The following COL6A5 variants were observed in gnomAD, a reference collection of about 807,000 sequenced individuals.
COL6A5 encodes collagen type VI alpha 5 chain.
In COL6A5, 48 loss-of-function variants were observed where a neutral mutation model predicts 65.6. The observed-to-expected ratio is 0.73, with a 90% CI of 0.58 to 0.93. The LOEUF (loss-of-function observed/expected upper bound fraction) is 0.93, where lower values mean the gene tolerates loss of function less well. COL6A5 is among the 40% of genes least tolerant of loss of function. The pLI is 0.00. For missense variants in COL6A5, 914 were observed against 928.3 expected, an observed-to-expected ratio of 0.98 and a Z score of 0.20; for synonymous variants, 291 against 322.8, an observed-to-expected ratio of 0.90 and a Z score of 1.05.
chr3:130,401,859 C>T lies in COL6A5; in HGVS notation c.4227+5C>T, dbSNP rs1220704360. ...CGAGGACTACAAGCCATGAAGGTGC[C>T]ACTCACCTGTGATACTATTTTATCT... is the stretch of plus-strand genomic sequence containing the variant. On this transcript the variant is annotated splice_donor_5th_base_variant and intron_variant and NMD_transcript_variant, in intron 12 of 41. Coordinates refer to the COL6A5 transcript ENST00000312481. 12 of 1,545,546 alleles carry T rather than the reference C, an allele frequency of 7.8e-6. No homozygotes were observed. Among genetic ancestry groups the T allele is most frequent in the Non-Finnish European group, 9.6e-6 (11 of 1,141,598 alleles).
At chr3:130,403,565 T>TTG (rs1559882618) in intron 12 of COL6A5, 44 bp from the exon 13 acceptor site, 1 of 1,440,306 alleles carries the variant, frequency 6.9e-7, no homozygotes, top group African/African-American at 1.4e-5. Flanking sequence ...TTGACTTTAT[T>TTG]GGGGGGGGGT....
At chr3:130,376,771 A>C (rs1204614111) in exon 3 of COL6A5, 1 of 1,613,662 alleles carries the variant, frequency 6.2e-7, no homozygotes, top group Admixed American at 1.7e-5. Flanking sequence ...TTTTCCCAAA[A>C]CATGACACAG....
At chr3:130,401,966 T>C in intron 12 of COL6A5, 112 bp downstream of exon 12, 1 of 758,528 alleles carries the variant, frequency 1.3e-6, no homozygotes, top group Non-Finnish European at 2.2e-6. Flanking sequence ...TGGAATTGCT[T>C]TGGACATTTC....
At chr3:130,412,608 T>C (rs926851868) in intron 20 of COL6A5, among the ~76,000 whole-genome samples, 1 of 152,262 alleles carries the variant, frequency 6.6e-6, no homozygotes, top group Non-Finnish European at 1.5e-5. Flanking sequence ...CTTTGTTTAC[T>C]GTTTCTTCTC....
At chr3:130,475,187 C>T (rs2107621228) in intron 7 of COL6A5, among the ~76,000 whole-genome samples, 1 of 151,408 alleles carries the variant, frequency 6.6e-6, no homozygotes, top group South Asian at 2.1e-4. Context: ...ACTAGAATTC[C>T]ATAAGGGAAG....
chr3:130,472,068 T>A, intron 7 of COL6A5, 142 bp downstream of exon 40: 1 of 860,616 alleles, frequency 1.2e-6, no homozygotes, highest in East Asian at 2.7e-5. Context: ...CGTCTAAGGA[T>A]CCAAGGGAGA....
intron 7 of COL6A5, among the ~76,000 whole-genome samples, chr3:130,482,787 A>G (rs1193805881): frequency 6.6e-6 from 1 of 152,122 alleles, no homozygotes; most frequent in East Asian, 1.9e-4. Context: ...ATTCTTAGGT[A>G]TCTTTTTCTC....
chr3:130,391,583 C>T (rs1480375284), exon 7 of COL6A5: 1 of 1,551,626 alleles, frequency 6.4e-7, no homozygotes, highest in Non-Finnish European at 8.7e-7. Context: ...AGCATTGGAA[C>T]TGAGAAACAA....
Position 130,385,370 on chromosome 3 carries a change from CA to C in COL6A5, c.1861+8del. On this transcript the variant is annotated splice_region_variant and intron_variant and NMD_transcript_variant, in intron 5 of 41. Coordinates refer to the COL6A5 transcript ENST00000312481. ...TGAAATCTGCGCTGAAAAAGGTAAG[CA>C]ACACAAAAAAGGCTTTATTCTCCAC... The C allele has an allele frequency of 1.3e-6, 2 of 1,541,748 alleles. No individual in the cohort carries two copies. The highest frequency in any genetic ancestry group is 1.7e-6 in the Non-Finnish European group (2 of 1,143,406).
chr3:130,429,157 T>C (rs775213603), upstream of COL6A5, among the ~76,000 whole-genome samples: 3 of 152,180 alleles, frequency 2.0e-5, no homozygotes, highest in Non-Finnish European at 2.9e-5. Context: ...TCCCAAGATA[T>C]TCATCAGGGA....
chr3:130,354,135 G>A (rs1934830974), intron 1 of COL6A5, among the ~76,000 whole-genome samples: 1 of 149,662 alleles, frequency 6.7e-6, no homozygotes, highest in African/African-American at 2.4e-5. Flanking sequence ...AGGAAAGAAG[G>A]AAGGAAGGAA....
chr3:130,453,250 T>C (rs1015093126), intron 4 of COL6A5, among the ~76,000 whole-genome samples: 1 of 151,868 alleles, frequency 6.6e-6, no homozygotes, highest in Non-Finnish European at 1.5e-5. Flanking sequence ...ATCTTCACAA[T>C]TTATGTTTAG....
chr3:130,356,899 G>T (rs980088774), intron 1 of COL6A5, among the ~76,000 whole-genome samples: 6 of 152,060 alleles, frequency 3.9e-5, no homozygotes, highest in Non-Finnish European at 8.8e-5. Context: ...ACATAGGAAA[G>T]AATAGAAATG....
At chr3:130,362,326 ATTTTTT>A (rs374784717) in intron 1 of COL6A5, among the ~76,000 whole-genome samples, 101 of 4,622 alleles carry the variant, frequency 0.022, no homozygotes, top group East Asian at 0.053. Flanking sequence ...ATATATATAT[ATTTTTT>A]TTTTTTTTTT....
chr3:130,414,106 G>A, exon 22 of COL6A5: 1 of 1,550,832 alleles, frequency 6.4e-7, no homozygotes, highest in Admixed American at 2.0e-5. Context: ...GGCACATTGG[G>A]AGCTGAAGGA....
chr3:130,427,911 C>T (rs150245271), upstream of COL6A5, among the ~76,000 whole-genome samples: 226 of 151,872 alleles, frequency 1.5e-3, 1 homozygote, highest in African/African-American at 5.2e-3. Context: ...CTTCAGCACA[C>T]GAGGAGATGA....
Position 130,388,976 on chromosome 3 carries a change from G to A in COL6A5, c.2258G>A (p.Gly753Asp), listed in dbSNP as rs748644157. The A allele has an allele frequency of 8.8e-5, 136 of 1,548,248 alleles. No individual in the cohort carries two copies. Among genetic ancestry groups the A allele is most frequent in the Non-Finnish European group, 1.1e-4 (130 of 1,145,458 alleles). ...AGAGATCCTGCTAGAATTCTTCGGGGCAAAGATGTGACCATCTTCTCTGTA... is the reference window on the plus strand; with the variant it reads ...AGAGATCCTGCTAGAATTCTTCGGGACAAAGATGTGACCATCTTCTCTGTA... Residue 753 changes from glycine to aspartate, a missense_variant and NMD_transcript_variant, in exon 6 of 42, where the codon GGC becomes GAC. Physicochemically the swap from Gly to Asp is moderately conservative, Grantham distance 94. Coordinates refer to the COL6A5 transcript ENST00000312481.
At position 130,468,782 on chromosome 3, in the gene COL6A5, T is replaced by A; in HGVS notation, c.1545-13T>A. 1 of 1,580,316 alleles carries A rather than the reference T, an allele frequency of 6.3e-7. No homozygotes were observed. The highest frequency in any genetic ancestry group is 1.7e-4 in the Middle Eastern group (1 of 5,936). ...TTCCATTAAAAAGAATGACTTGAGT[T>A]ATTCTGTTGCAGGACATGAAAATTA... On this transcript the variant is annotated splice_polypyrimidine_tract_variant and intron_variant, in intron 5 of 7. Coordinates refer to ENST00000512836, the Ensembl canonical transcript of COL6A5.
intron 4 of COL6A5, among the ~76,000 whole-genome samples, chr3:130,451,173 G>A (rs1307814102): frequency 6.6e-5 from 10 of 152,154 alleles, no homozygotes. Context: ...ACCCTTGGAC[G>A]TTAGGTGGGT....
Sources: gnomAD v4.1 joint callset for allele counts (sites outside exome capture counted in the v4.1 genomes callset) on GRCh38, gnomAD v4.1.1 for gene constraint, MANE v1.5 for transcripts, NCBI Gene and HGNC (gene_info 2026-07-23, HGNC 2026-07-21) for gene names.